TPTE: variants seen among roughly 807,000 people sequenced by gnomAD.
TPTE encodes the protein putative tyrosine-protein phosphatase TPTE.
Under a neutral mutation model 84.1 loss-of-function variants are expected in TPTE, and 59 were observed. That is an observed-to-expected ratio of 0.70 (90% CI 0.57 to 0.87). TPTE has a LOEUF of 0.87. Ranked by LOEUF, TPTE falls within the 40% of genes least tolerant of loss-of-function variation. The pLI is 0.00. For missense variants in TPTE, 382 were observed against 659.6 expected (o/e 0.58, Z 4.61); for synonymous variants, 130 against 223.5 (o/e 0.58, Z 3.73).
chr21:10,524,116 A>G (rs1392312629), intron 1 of TPTE, among the ~76,000 whole-genome samples: 2 of 152,312 alleles, frequency 1.3e-5, no homozygotes, highest in Admixed American at 1.3e-4. Flanking sequence ...AGTTCTTACT[A>G]CAGAACTGAC....
chr21:10,554,385 C>T (rs373940082), intron 8 of TPTE, among the ~76,000 whole-genome samples: 2,282 of 151,480 alleles, frequency 0.015, no homozygotes, highest in Non-Finnish European at 0.021. Context: ...ATGATTGTGA[C>T]GCTATTGATA....
Position 10,567,645 on chromosome 21 carries a change from T to C in TPTE, c.447-25T>C, listed in dbSNP as rs541434837. The C allele has an allele frequency of 4.4e-6, 7 of 1,608,974 alleles. No homozygotes were observed. In the South Asian group the frequency reaches 6.7e-5, roughly 15 times the overall value. On this transcript the variant is annotated intron_variant, in intron 10 of 23. Transcript: ENST00000618007. ...TCTCTTCTTGCAGGGGGGAATGAAC[T>C]TATTTTTTTTGTTTTATATTACAGG...
At chr21:10,548,790 A>C (rs1313903183) in intron 7 of TPTE, among the ~76,000 whole-genome samples, 1 of 152,310 alleles carries the variant, frequency 6.6e-6, no homozygotes, top group African/African-American at 2.4e-5. Flanking sequence ...TATGGGAAAC[A>C]GCCCTTCAGG....
intron 3 of TPTE, among the ~76,000 whole-genome samples, chr21:10,530,099 G>A (rs1362513245): frequency 2.0e-5 from 3 of 152,296 alleles, no homozygotes; most frequent in African/African-American, 7.2e-5. Flanking sequence ...TATTTGGCCA[G>A]TGGGACTCCC....
At chr21:10,530,313 A>G (rs569669178) in intron 3 of TPTE, among the ~76,000 whole-genome samples, 767 of 152,040 alleles carry the variant, frequency 5.0e-3, no homozygotes, top group African/African-American at 0.017. Context: ...ACAGATATAC[A>G]TATTGACATA....
At chr21:10,605,115 T>A (rs568853336) in intron 23 of TPTE, among the ~76,000 whole-genome samples, 1 of 152,430 alleles carries the variant, frequency 6.6e-6, no homozygotes, top group South Asian at 2.1e-4. Flanking sequence ...TTCATGTCTA[T>A]CCTGACTGAT....
intron 17 of TPTE, among the ~76,000 whole-genome samples, chr21:10,586,701 TTACTG>T (rs1195980858): frequency 1.3e-5 from 2 of 152,308 alleles, no homozygotes; most frequent in Non-Finnish European, 2.9e-5. Context: ...TTTTTAGTAA[TTACTG>T]TAAAGATTTC....
intron 8 of TPTE, among the ~76,000 whole-genome samples, chr21:10,559,255 C>T (rs906147436): frequency 1.3e-5 from 2 of 152,308 alleles, no homozygotes; most frequent in African/African-American, 4.8e-5. Context: ...GCTTTGCATG[C>T]AATGGAAATG....
chr21:10,577,421 G>A lies in TPTE; in HGVS notation c.796-39G>A, dbSNP rs376313158. The A allele has an allele frequency of 3.7e-5, 60 of 1,613,846 alleles. No individual in the cohort carries two copies. In the African/African-American group the frequency reaches 7.5e-4, roughly 20 times the overall value. ...CCCCTAGGAAATAGCTTATGTTGGTGCCATGTAAATATGTAAGATATGTGT... is the reference window on the plus strand; with the variant it reads ...CCCCTAGGAAATAGCTTATGTTGGTACCATGTAAATATGTAAGATATGTGT... On this transcript the variant is annotated intron_variant, in intron 14 of 23. Coordinates refer to ENST00000618007, the MANE Select transcript of TPTE (RefSeq NM_199261.4).
At chr21:10,580,277 T>C (rs1469466924) in intron 17 of TPTE, among the ~76,000 whole-genome samples, 1 of 152,306 alleles carries the variant, frequency 6.6e-6, no homozygotes, top group East Asian at 1.9e-4. Context: ...AATGTATGCT[T>C]TGTAGATATT....
intron 17 of TPTE, among the ~76,000 whole-genome samples, chr21:10,588,772 T>A (rs1300761648): frequency 6.6e-6 from 1 of 152,308 alleles, no homozygotes; most frequent in Non-Finnish European, 1.5e-5. Context: ...AGCTCTGAAA[T>A]TATGTTTTCT....
At chr21:10,540,129 T>C (rs1379819033) in intron 4 of TPTE, among the ~76,000 whole-genome samples, 14 of 152,426 alleles carry the variant, frequency 9.2e-5, no homozygotes, top group African/African-American at 3.1e-4. Context: ...ATGTACATGT[T>C]AACTTCTTTG....
chr21:10,525,894 A>G (rs2074069713), intron 2 of TPTE, among the ~76,000 whole-genome samples: 1 of 152,310 alleles, frequency 6.6e-6, no homozygotes, highest in African/African-American at 2.4e-5. Flanking sequence ...TTCCCAAGGA[A>G]CTTGCTTAGC....
chr21:10,583,364 A>T (rs2075303448), intron 17 of TPTE, among the ~76,000 whole-genome samples: 1 of 152,310 alleles, frequency 6.6e-6, no homozygotes, highest in Admixed American at 6.5e-5. Context: ...ATTATTAAGT[A>T]TGTGGATATC....
chr21:10,563,609 C>G (rs376795769), intron 10 of TPTE, among the ~76,000 whole-genome samples: 6 of 152,290 alleles, frequency 3.9e-5, no homozygotes, highest in East Asian at 1.9e-4. Context: ...ATTTACAAGC[C>G]TCATGGTAAC....
chr21:10,540,035 CAAAAACA>C (rs1275328005), intron 4 of TPTE, among the ~76,000 whole-genome samples: 1 of 152,258 alleles, frequency 6.6e-6, no homozygotes, highest in African/African-American at 2.4e-5. Flanking sequence ...CAACAACAAA[CAAAAACA>C]AAAAACCAAA....
At chr21:10,558,908 T>G (rs1478440555) in intron 8 of TPTE, among the ~76,000 whole-genome samples, 1 of 152,308 alleles carries the variant, frequency 6.6e-6, no homozygotes, top group Non-Finnish European at 1.5e-5. Context: ...CTTTGATTAA[T>G]GGAAGGAGCC....
intron 11 of TPTE, among the ~76,000 whole-genome samples, chr21:10,568,600 C>T (rs1600918816): frequency 1.3e-5 from 2 of 152,430 alleles, no homozygotes; most frequent in South Asian, 4.1e-4. Flanking sequence ...GACTACAGCT[C>T]AGGCCCCAAC....
intron 4 of TPTE, among the ~76,000 whole-genome samples, chr21:10,539,452 A>G (rs2074327122): frequency 6.6e-6 from 1 of 152,310 alleles, no homozygotes; most frequent in Admixed American, 6.5e-5. Context: ...GGAGAGATCC[A>G]GGAAGTGGGC....
Sources: allele counts gnomAD v4.1 joint callset (sites outside exome capture counted in the v4.1 genomes callset), GRCh38; gene constraint gnomAD v4.1.1; transcripts MANE v1.5; gene names NCBI Gene and HGNC (gene_info 2026-07-23, HGNC 2026-07-21).